Variants in PTPRM observed in about 807,000 individuals in gnomAD.
The protein encoded by PTPRM is receptor-type tyrosine-protein phosphatase mu.
In PTPRM, 47 loss-of-function variants were observed where a neutral mutation model predicts 186.7. The ratio of observed to expected loss-of-function variants is 0.25; its 90% confidence interval spans 0.20 to 0.32. The LOEUF (loss-of-function observed/expected upper bound fraction) is 0.32. Among genes scored for constraint, PTPRM ranks in the 10% least tolerant of loss-of-function variants. The pLI is 1.00. For synonymous variants in PTPRM, 668 were observed against 674.9 expected (o/e 0.99, Z 0.16); for missense variants, 1,494 against 1,865.0 (o/e 0.80, Z 3.66).
intron 26 of PTPRM, 56 bp downstream of exon 26, chr18:8,376,653 C>T: frequency 5.2e-6 from 8 of 1,551,766 alleles, no homozygotes; most frequent in Non-Finnish European, 7.0e-6. Context: ...CCTCCTGCAT[C>T]TCCCCATTTC....
At chr18:7,790,045 G>A (rs192722144) in intron 2 of PTPRM, among the ~76,000 whole-genome samples, 1 of 152,278 alleles carries the variant, frequency 6.6e-6, no homozygotes, top group Admixed American at 6.5e-5. Flanking sequence ...TGGAGACGTG[G>A]AATTCTTTGC....
intron 19 of PTPRM, among the ~76,000 whole-genome samples, chr18:8,274,265 C>G (rs2147660511): frequency 1.3e-5 from 2 of 152,280 alleles, no homozygotes; most frequent in South Asian, 4.1e-4. Context: ...TAAAGAACCT[C>G]AGATACGCTG....
rs550918430 is a variant in PTPRM, at chr18:7,753,059, T to G, written c.74-21090T>G. Among the ~76,000 whole-genome samples the G allele has an allele frequency of 3.3e-5, 5 of 152,292 alleles. No homozygotes were observed. In the South Asian group the frequency reaches 1.0e-3, roughly 32 times the overall value. On this transcript the variant is annotated intron_variant, in intron 1 of 32. Transcript: ENST00000580170. ...GGAGCAGTCTTGCAAACCTTTGGTTTAGTAGAGAACCAAAACCAGTTTGGA... is the reference window on the plus strand; with the variant it reads ...GGAGCAGTCTTGCAAACCTTTGGTTGAGTAGAGAACCAAAACCAGTTTGGA...
intron 1 of PTPRM, among the ~76,000 whole-genome samples, chr18:7,574,120 A>G (rs1320242245): frequency 6.6e-6 from 1 of 152,156 alleles, no homozygotes; most frequent in Non-Finnish European, 1.5e-5. Flanking sequence ...TCCCTTGACA[A>G]GAGCTGAAAG....
At chr18:7,711,179 G>A (rs2040204532) in intron 1 of PTPRM, among the ~76,000 whole-genome samples, 1 of 152,126 alleles carries the variant, frequency 6.6e-6, no homozygotes, top group Non-Finnish European at 1.5e-5. Flanking sequence ...AGCCCCTGGA[G>A]GGCAAGCAGA....
chr18:7,885,678 A>T, intron 2 of PTPRM, among the ~76,000 whole-genome samples: 1 of 152,192 alleles, frequency 6.6e-6, no homozygotes, highest in Non-Finnish European at 1.5e-5. Flanking sequence ...GGAGGAGAAA[A>T]GACTATAAAA....
rs1251364205 is a variant in PTPRM, at chr18:8,314,816, G to C, written c.2878G>C (p.Gly960Arg). 5.0e-6 allele frequency: 8 copies of C among 1,611,734 alleles called. No homozygotes were observed. Among genetic ancestry groups the C allele is most frequent in the Non-Finnish European group, 6.8e-6 (8 of 1,178,386 alleles). ...HSRVRLQTIE[G>R]DTNSDYINGN... ...CCGAGTGAGGCTGCAGACAATAGAAGGAGACACAAACTCAGACTATATCAA... is the reference window on the plus strand; with the variant it reads ...CCGAGTGAGGCTGCAGACAATAGAACGAGACACAAACTCAGACTATATCAA... The change falls in exon 21 of 33, where the codon GGA becomes CGA. Residue 960 changes from glycine (G) to arginine (R), a missense_variant. Around this residue, in one of 3 missense-constraint regions of PTPRM, gnomAD observed 1,107 missense variants for 1,350.2 expected, o/e 0.82. Coordinates refer to ENST00000580170, the MANE Select transcript of PTPRM (RefSeq NM_001105244.2).
At chr18:7,595,295 G>A (rs2037228241) in intron 1 of PTPRM, among the ~76,000 whole-genome samples, 1 of 152,160 alleles carries the variant, frequency 6.6e-6, no homozygotes, top group African/African-American at 2.4e-5. Flanking sequence ...AGAACTTTAG[G>A]AAGGTGCCCA....
chr18:8,045,306 C>G (rs2086970707), intron 7 of PTPRM, among the ~76,000 whole-genome samples: 2 of 152,162 alleles, frequency 1.3e-5, no homozygotes, highest in Non-Finnish European at 2.9e-5. Flanking sequence ...TGTGATCGCA[C>G]CACTGTACTC....
intron 22 of PTPRM, among the ~76,000 whole-genome samples, chr18:8,333,079 G>T (rs924793279): frequency 6.6e-6 from 1 of 152,170 alleles, no homozygotes; most frequent in Admixed American, 6.5e-5. Flanking sequence ...ACAATTCTCA[G>T]TGTGTTTGCT....
At chr18:7,601,199 G>A (rs994460868) in intron 1 of PTPRM, among the ~76,000 whole-genome samples, 1 of 152,150 alleles carries the variant, frequency 6.6e-6, no homozygotes, top group Non-Finnish European at 1.5e-5. Flanking sequence ...TCTAGCCCGC[G>A]GTTTCTGAAC....
intron 2 of PTPRM, among the ~76,000 whole-genome samples, chr18:7,803,541 G>A (rs1008637460): frequency 6.6e-6 from 1 of 152,148 alleles, no homozygotes; most frequent in Admixed American, 6.6e-5. Context: ...TGGGGATTAA[G>A]ACACGGACAT....
intron 3 of PTPRM, among the ~76,000 whole-genome samples, chr18:7,901,127 A>T (rs1413948248): frequency 6.6e-6 from 1 of 152,154 alleles, no homozygotes; most frequent in Non-Finnish European, 1.5e-5. Context: ...TTCTGCACAC[A>T]CTTGGTATAC....
chr18:7,974,414 T>G (rs1255732065), intron 7 of PTPRM, among the ~76,000 whole-genome samples: 4 of 152,180 alleles, frequency 2.6e-5, no homozygotes, highest in African/African-American at 9.7e-5. Context: ...CCAGAGCAGT[T>G]GTAGAGAAGA....
At chr18:8,322,289 A>G (rs2095350456) in intron 22 of PTPRM, among the ~76,000 whole-genome samples, 2 of 152,168 alleles carry the variant, frequency 1.3e-5, no homozygotes, top group Non-Finnish European at 1.5e-5. Flanking sequence ...CCTCAATTTT[A>G]TTGATTTTTC....
At chr18:8,281,006 G>A (rs1283087534) in intron 19 of PTPRM, among the ~76,000 whole-genome samples, 1 of 152,168 alleles carries the variant, frequency 6.6e-6, no homozygotes, top group Admixed American at 6.5e-5. Context: ...AAGGATAAAA[G>A]ACCAATCAAA....
At chr18:7,732,259 A>T (rs1352060288) in intron 1 of PTPRM, among the ~76,000 whole-genome samples, 1 of 152,144 alleles carries the variant, frequency 6.6e-6, no homozygotes, top group African/African-American at 2.4e-5. Flanking sequence ...GTGAGTGATG[A>T]ACAGTAGGGC....
At chr18:7,682,774 G>A (rs1013641369) in intron 1 of PTPRM, among the ~76,000 whole-genome samples, 1 of 152,120 alleles carries the variant, frequency 6.6e-6, no homozygotes, top group Non-Finnish European at 1.5e-5. Flanking sequence ...GGAGGAAGTC[G>A]TTTATGATTT....
At chr18:7,899,220 C>T (rs192056972) in intron 3 of PTPRM, among the ~76,000 whole-genome samples, 39 of 152,262 alleles carry the variant, frequency 2.6e-4, no homozygotes, top group East Asian at 2.1e-3. Context: ...AACTAGACCA[C>T]GATAAGGATA....
Sources: allele counts gnomAD v4.1 joint callset (sites outside exome capture counted in the v4.1 genomes callset), GRCh38; gene constraint gnomAD v4.1.1; regional missense constraint gnomAD v4.1.1; transcripts MANE v1.5; gene names NCBI Gene and HGNC (gene_info 2026-07-23, HGNC 2026-07-21).